The following RASAL2 variants were observed in gnomAD, a reference collection of about 807,000 sequenced individuals.
The protein encoded by RASAL2 is ras GTPase-activating protein nGAP.
RASAL2 carries 58 observed loss-of-function variants against 128.9 expected under a neutral mutation model. That is an observed-to-expected ratio of 0.45 (90% CI 0.36 to 0.56). The LOEUF is 0.56. Among genes scored for constraint, RASAL2 ranks in the 20% least tolerant of loss-of-function variants. RASAL2 has a pLI of 0.00. For missense variants in RASAL2, 1,360 were observed against 1,601.6 expected (o/e 0.85, Z 2.57); for synonymous variants, 561 against 580.8 (o/e 0.97, Z 0.49).
intron 1 of RASAL2, among the ~76,000 whole-genome samples, chr1:178,247,009 A>G (rs935031689): frequency 6.6e-6 from 1 of 152,098 alleles, no homozygotes; most frequent in African/African-American, 2.4e-5. Context: ...TTCATCAGGG[A>G]TATTGGCCTG....
chr1:178,339,829 TG>T (rs757036454), intron 3 of RASAL2, among the ~76,000 whole-genome samples: 2 of 152,176 alleles, frequency 1.3e-5, no homozygotes, highest in Non-Finnish European at 2.9e-5. Flanking sequence ...ATGCTGTGTT[TG>T]TAAGTCAAAA....
At chr1:178,333,696 A>G (rs1425271465) in intron 3 of RASAL2, among the ~76,000 whole-genome samples, 1 of 152,244 alleles carries the variant, frequency 6.6e-6, no homozygotes, top group Non-Finnish European at 1.5e-5. Context: ...GATAGTAACT[A>G]CTGTTGAAGA....
intron 5 of RASAL2, among the ~76,000 whole-genome samples, chr1:178,436,540 G>A (rs1184775227): frequency 1.3e-5 from 2 of 151,990 alleles, no homozygotes; most frequent in African/African-American, 4.8e-5. Context: ...TGTAAGCCAG[G>A]TAAGTTTCAG....
intron 2 of RASAL2, among the ~76,000 whole-genome samples, chr1:178,297,815 C>T (rs1403369041): frequency 1.3e-5 from 2 of 151,796 alleles, no homozygotes; most frequent in Non-Finnish European, 1.5e-5. Context: ...ATTTTAGGCC[C>T]AAATAAAAAA....
chr1:178,158,461 T>C (rs1012990475), intron 1 of RASAL2, among the ~76,000 whole-genome samples: 5 of 152,102 alleles, frequency 3.3e-5, no homozygotes, highest in Non-Finnish European at 7.4e-5. Context: ...TTAGACCAAC[T>C]TGGGTTCAAA....
chr1:178,103,210 A>G (rs1381632211), intron 1 of RASAL2, among the ~76,000 whole-genome samples: 1 of 151,328 alleles, frequency 6.6e-6, no homozygotes, highest in African/African-American at 2.4e-5. Context: ...TTATTAATGT[A>G]TCTCAGATAT....
intron 1 of RASAL2, among the ~76,000 whole-genome samples, chr1:178,211,611 C>T (rs2101986025): frequency 6.6e-6 from 1 of 152,188 alleles, no homozygotes; most frequent in African/African-American, 2.4e-5. Flanking sequence ...CATATATTTG[C>T]CCATGCTGTT....
At chr1:178,138,924 T>C (rs972429901) in intron 1 of RASAL2, among the ~76,000 whole-genome samples, 5 of 152,112 alleles carry the variant, frequency 3.3e-5, no homozygotes, top group African/African-American at 1.2e-4. Flanking sequence ...ATTGGCTGAT[T>C]TATTTATAAT....
chr1:178,108,606 G>A (rs1659184907), intron 1 of RASAL2, among the ~76,000 whole-genome samples: 1 of 152,306 alleles, frequency 6.6e-6, no homozygotes, highest in Non-Finnish European at 1.5e-5. Context: ...TGCGGGATTT[G>A]AATCTAGACA....
chr1:178,471,036 G>A (rs752650150), intron 17 of RASAL2, among the ~76,000 whole-genome samples: 2 of 152,120 alleles, frequency 1.3e-5, no homozygotes, highest in Admixed American at 6.5e-5. Flanking sequence ...TAGTAGGGGG[G>A]CTGTTTGTCT....
At chr1:178,465,887 C>T (rs1255972143) in intron 15 of RASAL2, 33 bp from the exon 16 acceptor site, 2 of 1,413,544 alleles carry the variant, frequency 1.4e-6, no homozygotes, top group Non-Finnish European at 1.9e-6. Flanking sequence ...CAATGTGACT[C>T]TAGTTTTTGT....
At chr1:178,210,647 T>C (rs945251342) in intron 1 of RASAL2, among the ~76,000 whole-genome samples, 3 of 152,234 alleles carry the variant, frequency 2.0e-5, no homozygotes, top group Non-Finnish European at 4.4e-5. Flanking sequence ...ACTGGTGATA[T>C]AACATAGTAT....
chr1:178,432,801 C>T (rs1676005297), intron 5 of RASAL2, among the ~76,000 whole-genome samples: 1 of 152,112 alleles, frequency 6.6e-6, no homozygotes, highest in Admixed American at 6.6e-5. Context: ...ATCTGTTAGT[C>T]TAATTCATTA....
At chr1:178,400,517 T>G (rs1673552097) in intron 4 of RASAL2, among the ~76,000 whole-genome samples, 1 of 152,180 alleles carries the variant, frequency 6.6e-6, no homozygotes, top group Non-Finnish European at 1.5e-5. Flanking sequence ...GTCTGTGATA[T>G]TCTAGTTGGT....
chr1:178,199,102 C>G (rs1055269230), intron 1 of RASAL2, among the ~76,000 whole-genome samples: 1 of 152,202 alleles, frequency 6.6e-6, no homozygotes, highest in Admixed American at 6.5e-5. Flanking sequence ...GCGTGGGACC[C>G]GCTGAGCCAG....
chr1:178,158,164 A>G (rs568999972), intron 1 of RASAL2, among the ~76,000 whole-genome samples: 5 of 152,332 alleles, frequency 3.3e-5, no homozygotes, highest in Non-Finnish European at 7.4e-5. Context: ...CATGTATTTT[A>G]TTTTAATTGC....
At chr1:178,158,986 C>T (rs75067790) in intron 1 of RASAL2, among the ~76,000 whole-genome samples, 9,221 of 152,110 alleles carry the variant, frequency 0.061, 363 homozygotes, top group Middle Eastern at 0.089. Context: ...TCCAGATTAC[C>T]GGATAATATT....
chr1:178,433,267 AC>A (rs1281756985), intron 5 of RASAL2, among the ~76,000 whole-genome samples: 1 of 152,116 alleles, frequency 6.6e-6, no homozygotes, highest in East Asian at 1.9e-4. Context: ...GAAGATGGTT[AC>A]AACTTTGTGT....
intron 1 of RASAL2, among the ~76,000 whole-genome samples, chr1:178,127,706 A>G (rs1423837991): frequency 1.3e-5 from 2 of 152,082 alleles, no homozygotes; most frequent in African/African-American, 4.8e-5. Flanking sequence ...ATCACCTTTA[A>G]TATCTAGTAT....
Sources: gnomAD v4.1 joint callset for allele counts (sites outside exome capture counted in the v4.1 genomes callset) on GRCh38, gnomAD v4.1.1 for gene constraint, MANE v1.5 for transcripts, NCBI Gene and HGNC (gene_info 2026-07-23, HGNC 2026-07-21) for gene names.